Variants in PTPRT observed in about 807,000 individuals in gnomAD.
PTPRT encodes protein tyrosine phosphatase receptor type T, also known as receptor-type tyrosine-protein phosphatase T.
A neutral mutation model predicts 176.8 loss-of-function variants in PTPRT; 56 were observed. That is an observed-to-expected ratio of 0.32 (90% CI 0.26 to 0.40). PTPRT has a LOEUF of 0.40. Among genes scored for constraint, PTPRT ranks in the 10% least tolerant of loss-of-function variants. PTPRT has a pLI of 1.00. For synonymous variants in PTPRT, 783 were observed against 739.0 expected (o/e 1.06, Z -0.96); for missense variants, 1,540 against 1,908.2 (o/e 0.81, Z 3.60).
chr20:42,840,014 C>T (rs979580772), intron 2 of PTPRT, among the ~76,000 whole-genome samples: 13 of 152,122 alleles, frequency 8.5e-5, no homozygotes, highest in African/African-American at 3.1e-4. Flanking sequence ...AACACAGTAC[C>T]ACAAACTGGG....
At chr20:42,042,907 G>C in the PTPRT span, among the ~76,000 whole-genome samples, 1 of 152,250 alleles carries the variant, frequency 6.6e-6, no homozygotes, top group African/African-American at 2.4e-5. Context: ...CACAGCTGTA[G>C]CTGGCAGCCT....
intron 6 of PTPRT, among the ~76,000 whole-genome samples, chr20:42,744,634 C>T (rs530823464): frequency 6.6e-6 from 1 of 152,268 alleles, no homozygotes; most frequent in East Asian, 1.9e-4. Flanking sequence ...AGTAGCTTAA[C>T]ACAATAATAG....
intron 12 of PTPRT, among the ~76,000 whole-genome samples, chr20:42,302,334 C>G (rs1218126858): frequency 1.3e-5 from 2 of 152,170 alleles, no homozygotes; most frequent in Non-Finnish European, 2.9e-5. Flanking sequence ...ATATCTGCCT[C>G]TCTCTGGGCT....
At position 43,073,799 on chromosome 20, in the gene PTPRT, C is replaced by T. The variant is rs115844014; in HGVS notation, c.88+115847G>A. On this transcript the variant is annotated intron_variant, in intron 1 of 30. Transcript: ENST00000373187. Reference sequence around the variant, plus strand: ...CCAGGGTCTCACTCTGTTGCCTACGCTGGAGTGCATGGCACAATTACAGCT... The same window carrying T: ...CCAGGGTCTCACTCTGTTGCCTACGTTGGAGTGCATGGCACAATTACAGCT... Among the ~76,000 whole-genome samples, 688 of 152,146 alleles carry T rather than the reference C, an allele frequency of 4.5e-3. 6 individuals are homozygous for T. Among genetic ancestry groups the T allele is most frequent in the Middle Eastern group, 0.017 (5 of 294 alleles).
chr20:42,036,117 G>T, the PTPRT span, among the ~76,000 whole-genome samples: 2 of 152,136 alleles, frequency 1.3e-5, no homozygotes, highest in African/African-American at 2.4e-5. Context: ...CTCCACTGGG[G>T]TGAGGAATCT....
chr20:42,240,261 C>T (rs189079691), intron 14 of PTPRT, among the ~76,000 whole-genome samples: 37 of 152,272 alleles, frequency 2.4e-4, no homozygotes, highest in Admixed American at 7.8e-4. Flanking sequence ...CCCAATTAAA[C>T]TGCAAAGTCT....
intron 7 of PTPRT, among the ~76,000 whole-genome samples, chr20:42,582,319 T>C (rs1371803224): frequency 6.6e-6 from 1 of 152,058 alleles, no homozygotes; most frequent in Non-Finnish European, 1.5e-5. Context: ...AGAATGAACC[T>C]CAAACTCAGG....
At chr20:43,073,153 A>C (rs1204027381) in intron 1 of PTPRT, among the ~76,000 whole-genome samples, 1 of 152,190 alleles carries the variant, frequency 6.6e-6, no homozygotes, top group Non-Finnish European at 1.5e-5. Context: ...ACGCTCATGA[A>C]GGAAAAAATA....
chr20:42,824,653 T>C (rs1047301795), intron 2 of PTPRT, among the ~76,000 whole-genome samples: 2 of 151,686 alleles, frequency 1.3e-5, no homozygotes, highest in African/African-American at 4.8e-5. Flanking sequence ...CTATAAAGAG[T>C]TGAACATGAA....
At chr20:42,167,864 T>C (rs1291805272) in intron 16 of PTPRT, among the ~76,000 whole-genome samples, 1 of 152,202 alleles carries the variant, frequency 6.6e-6, no homozygotes, top group Non-Finnish European at 1.5e-5. Flanking sequence ...ACATGGAGGT[T>C]AGGGGAACCA....
chr20:42,839,768 T>C (rs555413484), intron 2 of PTPRT, among the ~76,000 whole-genome samples: 32 of 152,250 alleles, frequency 2.1e-4, no homozygotes, highest in Middle Eastern at 6.8e-3. Flanking sequence ...TTGTTTAAGA[T>C]CTTTAATAAG....
chr20:43,105,174 G>A lies in PTPRT; in HGVS notation c.88+84472C>T, dbSNP rs193058234. ...TCTGTAGTAGAAGCATACTAGAAAC[G>A]CAAATTTTCAGGCCCTACCTCAAAC... On this transcript the variant is annotated intron_variant, in intron 1 of 30. Coordinates refer to ENST00000373187, the MANE Select transcript of PTPRT (RefSeq NM_007050.6). Among the ~76,000 whole-genome samples, 453 of 152,186 alleles carry A rather than the reference G, an allele frequency of 3.0e-3. 3 individuals are homozygous for A. The highest frequency in any genetic ancestry group is 0.01 in the African/African-American group (432 of 41,506).
At chr20:43,006,204 C>T (rs1984847577) in intron 1 of PTPRT, among the ~76,000 whole-genome samples, 1 of 152,090 alleles carries the variant, frequency 6.6e-6, no homozygotes, top group South Asian at 2.1e-4. Context: ...AACAGAAATG[C>T]AAAATAAACA....
chr20:42,259,778 A>G lies in PTPRT; in HGVS notation c.2177-10956T>C, dbSNP rs73254742. Among the ~76,000 whole-genome samples, 526 of 152,310 alleles carry G rather than the reference A, an allele frequency of 3.5e-3. 4 individuals are homozygous for G. The highest frequency in any genetic ancestry group is 0.012 in the African/African-American group (504 of 41,556). The stretch of plus-strand genomic sequence containing the variant: ...AGAAGTGTTATGGCAGTCAGTCTGC[A>G]TCCATGGTGGGGTCAAACTTGCCCA... On this transcript the variant is annotated intron_variant, in intron 13 of 30. Transcript: ENST00000373187.
chr20:42,965,448 G>A (rs906585826), intron 1 of PTPRT, among the ~76,000 whole-genome samples: 1 of 152,210 alleles, frequency 6.6e-6, no homozygotes. Flanking sequence ...AGGGAGTCAT[G>A]AGTTTTGAAG....
intron 1 of PTPRT, among the ~76,000 whole-genome samples, chr20:42,910,137 C>A (rs2079526531): frequency 6.6e-6 from 1 of 152,188 alleles, no homozygotes; most frequent in Admixed American, 6.5e-5. Flanking sequence ...CAGATGACAG[C>A]CCAAACCGCA....
At position 42,714,667 on chromosome 20, in the gene PTPRT, G is replaced by A. The variant is rs80286714; in HGVS notation, c.860-36508C>T. ...GCACAGTATTTTGATCATTGATAGC[G>A]AAGAAATACAGAAGTGAGACTCATG... On this transcript the variant is annotated intron_variant, in intron 6 of 30. Coordinates refer to ENST00000373187, the MANE Select transcript of PTPRT (RefSeq NM_007050.6). Among the ~76,000 whole-genome samples the A allele has an allele frequency of 2.5e-3, 387 of 152,254 alleles. 2 individuals carry two copies. The highest frequency in any genetic ancestry group is 5.5e-3 in the Admixed American group (84 of 15,286).
At chr20:42,968,198 CAG>C (rs1180257032) in intron 1 of PTPRT, among the ~76,000 whole-genome samples, 2 of 152,182 alleles carry the variant, frequency 1.3e-5, no homozygotes, top group Non-Finnish European at 2.9e-5. Flanking sequence ...CCACACTTAA[CAG>C]AGCGGAGTTG....
chr20:42,083,126 A>T (rs1983515623), intron 29 of PTPRT, among the ~76,000 whole-genome samples: 1 of 150,272 alleles, frequency 6.7e-6, no homozygotes, highest in Admixed American at 6.6e-5. Flanking sequence ...TGCAAAAAAA[A>T]AAAAAAAAAA....
Sources: gnomAD v4.1 joint callset for allele counts (sites outside exome capture counted in the v4.1 genomes callset) on GRCh38, gnomAD v4.1.1 for gene constraint, MANE v1.5 for transcripts, NCBI Gene and HGNC (gene_info 2026-07-23, HGNC 2026-07-21) for gene names.